The following IDO2 variants were observed in gnomAD, a reference collection of about 807,000 sequenced individuals.
IDO2 encodes the protein indoleamine 2,3-dioxygenase 2, also known as indoleamine 2,3-dioxygenase-like 1 protein.
Under a neutral mutation model 45.1 loss-of-function variants are expected in IDO2, and 46 were observed. The ratio of observed to expected loss-of-function variants is 1.02; its 90% CI spans 0.80 to 1.30. The LOEUF (loss-of-function observed/expected upper bound fraction) is 1.30, where lower values mean the gene tolerates loss of function less well. Among genes scored for constraint, IDO2 ranks in the 50% most tolerant of loss-of-function variants. The pLI, the probability that IDO2 is intolerant of heterozygous loss-of-function variation, is 0.00. For synonymous variants in IDO2, 218 were observed against 184.9 expected (o/e 1.18, Z -1.45); for missense variants, 544 against 491.8 (o/e 1.11, Z -1.00).
At chr8:40,005,830 T>C (rs1292050857) in intron 9 of IDO2, among the ~76,000 whole-genome samples, 1 of 152,182 alleles carries the variant, frequency 6.6e-6, no homozygotes, top group African/African-American at 2.4e-5. Context: ...AATTCATATG[T>C]TAAAACCTAA....
At chr8:39,987,487 A>G (rs1353610584) in intron 6 of IDO2, 2 of 167,664 alleles carry the variant, frequency 1.2e-5, no homozygotes, top group African/African-American at 4.7e-5. Flanking sequence ...TCTCTGGGCC[A>G]TGGTTTCATA....
At position 39,966,297 on chromosome 8, in the gene IDO2, G is replaced by T. The variant is rs1171502833; in HGVS notation, c.195+2594G>T. Among the ~76,000 whole-genome samples, 3 of 152,238 alleles carry T rather than the reference G, an allele frequency of 2.0e-5. 1 individual carries two copies. The highest frequency in any genetic ancestry group is 4.2e-4 in the South Asian group (2 of 4,818). On this transcript the variant is annotated intron_variant, in intron 3 of 10. Coordinates refer to ENST00000502986, the Ensembl canonical transcript of IDO2. ...CAGCCTCAGCCTCCCAAAGCCCTGG[G>T]ATTACAGGCCTGAGCCACCATGCAC...
At chr8:39,938,592 A>C (rs966731222) in intron 1 of IDO2, among the ~76,000 whole-genome samples, 1 of 152,274 alleles carries the variant, frequency 6.6e-6, no homozygotes. Flanking sequence ...CAAGCTCTAT[A>C]TCACATATCA....
intron 2 of IDO2, 25 bp downstream of exon 2, chr8:39,949,289 T>C: frequency 2.0e-6 from 3 of 1,521,030 alleles, no homozygotes; most frequent in South Asian, 1.2e-5. Context: ...TTGGTAAGGA[T>C]AGGTCAGAAT....
chr8:39,992,274 T>TC (rs1297618797), intron 8 of IDO2, among the ~76,000 whole-genome samples: 2 of 152,164 alleles, frequency 1.3e-5, no homozygotes, highest in African/African-American at 2.4e-5. Context: ...CCTGAGCCAC[T>TC]AGGTAAAAAG....
At chr8:39,938,388 A>C (rs943254303) in intron 1 of IDO2, among the ~76,000 whole-genome samples, 1 of 152,188 alleles carries the variant, frequency 6.6e-6, no homozygotes, top group African/African-American at 2.4e-5. Flanking sequence ...AATTTTATAA[A>C]ATATAGCATC....
At chr8:39,989,665 C>T (rs1353446533) in intron 7 of IDO2, 56 bp from the exon 8 acceptor site, 13 of 1,233,174 alleles carry the variant, frequency 1.1e-5, no homozygotes, top group Admixed American at 6.4e-5. Flanking sequence ...GCTTACTCTG[C>T]CTGCATGGAC....
chr8:39,984,601 C>A, intron 5 of IDO2, among the ~76,000 whole-genome samples: 1 of 152,170 alleles, frequency 6.6e-6, no homozygotes, highest in East Asian at 1.9e-4. Context: ...AATTATTCTG[C>A]TTGGTAATTA....
At chr8:39,967,637 G>A (rs920546403) in intron 3 of IDO2, among the ~76,000 whole-genome samples, 5 of 152,020 alleles carry the variant, frequency 3.3e-5, no homozygotes, top group Admixed American at 1.3e-4. Flanking sequence ...ACAGGCACCC[G>A]CCACCACACC....
At chr8:39,935,738 C>T (rs1807536543) in intron 1 of IDO2, among the ~76,000 whole-genome samples, 1 of 152,178 alleles carries the variant, frequency 6.6e-6, no homozygotes, top group South Asian at 2.1e-4. Flanking sequence ...GCATGAGCCA[C>T]CTTGCCCAGC....
chr8:40,002,055 G>A (rs1344163550), intron 8 of IDO2, among the ~76,000 whole-genome samples: 1 of 151,974 alleles, frequency 6.6e-6, no homozygotes, highest in African/African-American at 2.4e-5. Flanking sequence ...CAAAGTGCTG[G>A]GATTATAGGT....
intron 4 of IDO2, among the ~76,000 whole-genome samples, chr8:39,981,305 C>T (rs1357855163): frequency 6.6e-6 from 1 of 152,148 alleles, no homozygotes; most frequent in Non-Finnish European, 1.5e-5. Context: ...CGTGATCTGC[C>T]CGCCTTCGCC....
rs1210473711 is a variant in IDO2, at chr8:39,955,276, C to CA, written c.99+6013dup. Among the ~76,000 whole-genome samples, 189 of 81,708 alleles carry CA rather than the reference C, an allele frequency of 2.3e-3. 3 individuals are homozygous for CA. Among genetic ancestry groups the CA allele is most frequent in the African/African-American group, 9.1e-3 (184 of 20,258 alleles). 53.6% of individuals were successfully genotyped at this position (81,708 alleles called of 152,430 possible). On this transcript the variant is annotated intron_variant, in intron 2 of 10. Coordinates refer to ENST00000502986, the Ensembl canonical transcript of IDO2. ...CTTTTTTTTTTTTTTTTTTTTGAAACAGAGTTTCACTCTTGTTGCCTAGGC... is the reference window on the plus strand; with the variant it reads ...CTTTTTTTTTTTTTTTTTTTTGAAACAAGAGTTTCACTCTTGTTGCCTAGGC...
At chr8:39,996,299 A>G (rs1340528863) in intron 8 of IDO2, among the ~76,000 whole-genome samples, 2 of 152,324 alleles carry the variant, frequency 1.3e-5, no homozygotes, top group East Asian at 3.9e-4. Flanking sequence ...TCCGCCTTTT[A>G]GATAGCAGTA....
At chr8:39,953,510 T>C (rs149805518) in intron 2 of IDO2, among the ~76,000 whole-genome samples, 4 of 152,212 alleles carry the variant, frequency 2.6e-5, no homozygotes, top group African/African-American at 9.6e-5. Context: ...ATGAGTCCCA[T>C]AAATTGAAAT....
At chr8:39,970,548 C>T (rs961264395) in intron 3 of IDO2, among the ~76,000 whole-genome samples, 7 of 152,268 alleles carry the variant, frequency 4.6e-5, no homozygotes, top group African/African-American at 7.2e-5. Flanking sequence ...TCTGCCACAA[C>T]GCCTGACTAA....
At chr8:40,015,128 C>G in intron 10 of IDO2, 119 bp from the exon 11 acceptor site, 1 of 643,646 alleles carries the variant, frequency 1.6e-6, no homozygotes, top group Non-Finnish European at 2.6e-6. Context: ...GCACTCCAGC[C>G]TGGGCAACAG....
chr8:39,936,955 G>A (rs1035247553), intron 1 of IDO2, among the ~76,000 whole-genome samples: 1 of 152,196 alleles, frequency 6.6e-6, no homozygotes, highest in Non-Finnish European at 1.5e-5. Context: ...TTTACAGTGA[G>A]AGGAAAGACA....
chr8:39,978,210 G>GCGGTGC (rs1362941188), intron 3 of IDO2, among the ~76,000 whole-genome samples: 1 of 152,202 alleles, frequency 6.6e-6, no homozygotes, highest in Admixed American at 6.5e-5. Flanking sequence ...TGCCCACGTG[G>GCGGTGC]CGGTGCCTGG....
Sources: gnomAD v4.1 joint callset for allele counts (sites outside exome capture counted in the v4.1 genomes callset) on GRCh38, gnomAD v4.1.1 for gene constraint, MANE v1.5 for transcripts, NCBI Gene and HGNC (gene_info 2026-07-23, HGNC 2026-07-21) for gene names.